The following CISD1 variants were observed in gnomAD, a reference collection of about 807,000 sequenced individuals.
CISD1 encodes the protein CDGSH iron sulfur domain 1.
CISD1 carries 8 observed loss-of-function variants against 12.0 expected under a neutral mutation model. That is an observed-to-expected ratio of 0.67 (90% CI 0.39 to 1.20). The LOEUF is 1.20. CISD1 is among the 50% of genes most tolerant of loss of function. CISD1 has a pLI of 0.01. For synonymous variants in CISD1, 38 were observed against 42.2 expected (o/e 0.90, Z 0.39); for missense variants, 107 against 132.7 (o/e 0.81, Z 0.95).
Position 58,287,754 on chromosome 10 carries a change from T to C in CISD1, c.*104T>C. 1.6e-6 allele frequency: 1 copy of C among 607,234 alleles called. No individual in the cohort carries two copies. Among genetic ancestry groups the C allele is most frequent in the South Asian group, 2.9e-5 (1 of 34,908 alleles). The allele number at this position is 607,234 out of a possible 1,614,324, so 37.6% of individuals were successfully genotyped here. On this transcript the variant is annotated 3_prime_UTR_variant, in exon 3 of 3. Transcript: ENST00000333926. ...TGATTCACCTTCGCTGGATTCTAAA[T>C]GTGGTATATTGCAAACTGCAGCTTT...
At chr10:58,274,369 G>A (rs2132277923) in intron 1 of CISD1, among the ~76,000 whole-genome samples, 1 of 150,418 alleles carries the variant, frequency 6.6e-6, no homozygotes, top group South Asian at 2.1e-4. Flanking sequence ...AGAGTTGCCA[G>A]TGGCATCCAC....
intron 2 of CISD1, among the ~76,000 whole-genome samples, chr10:58,285,410 G>A (rs1189701132): frequency 6.6e-6 from 1 of 152,120 alleles, no homozygotes; most frequent in East Asian, 1.9e-4. Context: ...TTCACTGCAC[G>A]TAATGAGGTA....
chr10:58,282,484 T>TA (rs1424546736), intron 2 of CISD1, among the ~76,000 whole-genome samples: 2 of 152,226 alleles, frequency 1.3e-5, no homozygotes, highest in Non-Finnish European at 2.9e-5. Context: ...AAATAGTTGT[T>TA]ATACTGTATT....
At chr10:58,273,899 C>T (rs969112352) in intron 1 of CISD1, among the ~76,000 whole-genome samples, 1 of 152,038 alleles carries the variant, frequency 6.6e-6, no homozygotes. Flanking sequence ...TTTGGGAGGC[C>T]GAGGCAGGCG....
chr10:58,278,522 G>T (rs568223559), intron 2 of CISD1, among the ~76,000 whole-genome samples: 1 of 152,094 alleles, frequency 6.6e-6, no homozygotes, highest in Non-Finnish European at 1.5e-5. Flanking sequence ...TCCAGCGACA[G>T]AATGAGACCC....
chr10:58,280,475 T>C (rs1343926291), intron 2 of CISD1, among the ~76,000 whole-genome samples: 1 of 152,078 alleles, frequency 6.6e-6, no homozygotes, highest in East Asian at 1.9e-4. Context: ...AAATAAGAGA[T>C]TCGAGGTAAA....
At chr10:58,274,526 GAA>G (rs1391750336) in intron 1 of CISD1, among the ~76,000 whole-genome samples, 1 of 132,120 alleles carries the variant, frequency 7.6e-6, no homozygotes, top group Non-Finnish European at 1.6e-5. Flanking sequence ...TTTGGGAAGG[GAA>G]AAAAAAAAAA....
chr10:58,277,138 C>T lies in CISD1; in HGVS notation c.53C>T (p.Thr18Ile), dbSNP rs772384665. The T allele has an allele frequency of 6.2e-6, 10 of 1,607,960 alleles. No homozygotes were observed. In the East Asian group the frequency reaches 2.0e-4, roughly 32 times the overall value. The change falls in exon 2 of 3, where the codon ACC (threonine) becomes ATC (isoleucine). Residue 18 changes from threonine to isoleucine, a missense_variant. By Grantham distance (89) the Thr-to-Ile change is moderately conservative (BLOSUM62 -1). Coordinates refer to ENST00000333926, the MANE Select transcript of CISD1 (RefSeq NM_018464.5). ...CTAGTTGAATGGATCGCAGCAGTTA[C>T]CATTGCTGCTGGGACAGCTGCAATT... ...SVRVEWIAAVTIAAGTAAIGY... is the reference protein window; with the variant it reads ...SVRVEWIAAVIIAAGTAAIGY...
chr10:58,269,377 G>A, intron 1 of CISD1, 73 bp downstream of exon 1: 1 of 1,375,944 alleles, frequency 7.3e-7, no homozygotes, highest in Non-Finnish European at 1.0e-6. Context: ...CGACTGGGTT[G>A]TTTTACCACT....
chr10:58,280,771 A>T (rs542662927), intron 2 of CISD1, among the ~76,000 whole-genome samples: 1 of 152,330 alleles, frequency 6.6e-6, no homozygotes, highest in East Asian at 1.9e-4. Context: ...TAAAACTAAA[A>T]ATATCATAGC....
chr10:58,285,643 CCTT>C (rs1839420580), intron 2 of CISD1, among the ~76,000 whole-genome samples: 1 of 152,066 alleles, frequency 6.6e-6, no homozygotes, highest in South Asian at 2.1e-4. Context: ...GATAATTATT[CCTT>C]CTAAGTGTAA....
rs746082676 is a variant in CISD1 at position 58,277,193 on chromosome 10, TA to T, written c.111del (p.Asp38IlefsTer7). On this transcript the variant is annotated frameshift_variant, in exon 2 of 3. Coordinates refer to ENST00000333926, the MANE Select transcript of CISD1 (RefSeq NM_018464.5). LOFTEE classifies it high-confidence loss of function. ...GYLAYKRFYV[K>X]DHRNKAMINL... The stretch of plus-strand genomic sequence containing the variant: ...ATCTAGCTTACAAAAGATTTTATGT[TA>T]AAGATCATCGAAATAAAGCTATGAT... 3.7e-6 allele frequency: 6 copies of T among 1,612,712 alleles called. No homozygotes were observed. The highest frequency in any genetic ancestry group is 1.7e-5 in the Admixed American group (1 of 59,840).
chr10:58,286,500 G>T (rs2132285863), intron 2 of CISD1, among the ~76,000 whole-genome samples: 1 of 152,312 alleles, frequency 6.6e-6, no homozygotes, highest in Middle Eastern at 3.4e-3. Flanking sequence ...AGTGTCCATA[G>T]TCCAGTCACC....
intron 2 of CISD1, among the ~76,000 whole-genome samples, chr10:58,281,483 C>G (rs1363009416): frequency 6.6e-6 from 1 of 152,172 alleles, no homozygotes; most frequent in Non-Finnish European, 1.5e-5. Context: ...AATCAATTAA[C>G]AGTTTGCTTT....
chr10:58,278,509 C>T (rs545523325), intron 2 of CISD1, among the ~76,000 whole-genome samples: 12 of 152,026 alleles, frequency 7.9e-5, no homozygotes, highest in Admixed American at 5.2e-4. Context: ...CATCACACTG[C>T]GTTCCAGCGA....
chr10:58,284,210 C>T (rs1233592285), intron 2 of CISD1, among the ~76,000 whole-genome samples: 1 of 152,060 alleles, frequency 6.6e-6, no homozygotes, highest in African/African-American at 2.4e-5. Flanking sequence ...ATGGCATGCA[C>T]CTATAGTCCT....
intron 1 of CISD1, 112 bp downstream of exon 1, chr10:58,269,416 T>C: frequency 1.0e-6 from 1 of 979,010 alleles, no homozygotes; most frequent in Non-Finnish European, 1.5e-6. Context: ...TCCTATAACC[T>C]TGAGATGCAG....
intron 2 of CISD1, among the ~76,000 whole-genome samples, chr10:58,286,369 CG>C (rs1210319592): frequency 1.3e-5 from 2 of 151,914 alleles, no homozygotes; most frequent in Non-Finnish European, 2.9e-5. Flanking sequence ...GATAAAGTTA[CG>C]AATAAAGGTA....
chr10:58,272,603 C>G (rs1417815565), intron 1 of CISD1, among the ~76,000 whole-genome samples: 1 of 152,110 alleles, frequency 6.6e-6, no homozygotes, highest in Non-Finnish European at 1.5e-5. Flanking sequence ...GGGATAGCTC[C>G]TATAAGTTAT....
Sources: allele counts gnomAD v4.1 joint callset (sites outside exome capture counted in the v4.1 genomes callset), GRCh38; gene constraint gnomAD v4.1.1; transcripts MANE v1.5; gene names NCBI Gene and HGNC (gene_info 2026-07-23, HGNC 2026-07-21).